HEATR5A: variants seen among roughly 807,000 people sequenced by gnomAD.
The protein encoded by HEATR5A is HEAT repeat-containing protein 5A.
HEATR5A carries 178 observed loss-of-function variants against 218.8 expected under a neutral mutation model. The ratio of observed to expected loss-of-function variants is 0.81; its 90% CI spans 0.72 to 0.92. The LOEUF is 0.92. Among genes scored for constraint, HEATR5A ranks in the 40% least tolerant of loss-of-function variants. The pLI is 0.00. For synonymous variants in HEATR5A, 864 were observed against 871.6 expected (o/e 0.99, Z 0.15); for missense variants, 2,420 against 2,418.9 (o/e 1.00, Z -0.01).
In HEATR5A at chr14:31,370,437, G is replaced by C. The variant is rs549676721; in HGVS notation, c.1961+1373C>G. Among the ~76,000 whole-genome samples the C allele has an allele frequency of 3.9e-5, 6 of 152,296 alleles. No homozygotes were observed. In the East Asian group the frequency reaches 9.6e-4, roughly 24 times the overall value. ...ATACCATTTTTTACCTATTGGATGG[G>C]GTAGAATTGATAACTGAGTAAGTGT... On this transcript the variant is annotated intron_variant, in intron 13 of 35. Coordinates refer to ENST00000543095, the MANE Select transcript of HEATR5A (RefSeq NM_015473.4).
chr14:31,394,657 T>C lies in HEATR5A; in HGVS notation c.598-431A>G, dbSNP rs534282868. ...GGTGGAACCCCGTCTCTACTAAAAA[T>C]ACAAAAAAAAATTAGCTGGGCATGG... On this transcript the variant is annotated intron_variant, in intron 5 of 35. Coordinates refer to ENST00000543095, the MANE Select transcript of HEATR5A (RefSeq NM_015473.4). Among the ~76,000 whole-genome samples the C allele has an allele frequency of 9.2e-5, 14 of 151,540 alleles. No homozygotes were observed. The East Asian group carries it at 2.7e-3, about 29-fold the overall frequency.
intron 34 of HEATR5A, among the ~76,000 whole-genome samples, chr14:31,295,685 C>T (rs1160763934): frequency 6.7e-6 from 1 of 148,790 alleles, no homozygotes; most frequent in Non-Finnish European, 1.5e-5. Context: ...AATTCAGTTT[C>T]TTAACATTTC....
At chr14:31,300,744 T>G (rs1388403941) in intron 33 of HEATR5A, among the ~76,000 whole-genome samples, 1 of 152,200 alleles carries the variant, frequency 6.6e-6, no homozygotes, top group Non-Finnish European at 1.5e-5. Flanking sequence ...CAGTTTGACT[T>G]CTTTTGCCCA....
intron 6 of HEATR5A, among the ~76,000 whole-genome samples, chr14:31,392,757 G>A (rs1227114415): frequency 1.3e-5 from 2 of 152,128 alleles, no homozygotes; most frequent in Non-Finnish European, 2.9e-5. Context: ...TTGCACACTT[G>A]CTCAAATCAG....
In HEATR5A at chr14:31,400,295, AC is replaced by A; in HGVS notation, c.338+5del. Reference sequence around the variant, plus strand: ...GTTTTCTGTTCTGTTTTAATGTTTCACTTACAGCTTAGTGGGAAGATAACTT... The same window carrying A: ...GTTTTCTGTTCTGTTTTAATGTTTCATTACAGCTTAGTGGGAAGATAACTT... On this transcript the variant is annotated splice_donor_5th_base_variant and intron_variant, in intron 3 of 35. Coordinates refer to ENST00000543095, the MANE Select transcript of HEATR5A (RefSeq NM_015473.4). 2 of 1,517,018 alleles carry A rather than the reference AC, an allele frequency of 1.3e-6. No homozygotes were observed. Among genetic ancestry groups the A allele is most frequent in the Non-Finnish European group, 1.8e-6 (2 of 1,130,520 alleles). 94.0% of individuals were successfully genotyped at this position (1,517,018 alleles called of 1,614,324 possible). A position where few individuals can be genotyped will look rare whatever the true frequency, so the allele number is the denominator to read the frequency against.
chr14:31,335,742 C>A lies in HEATR5A; in HGVS notation c.3367+1734G>T, dbSNP rs544738492. Among the ~76,000 whole-genome samples, 150 of 152,286 alleles carry A rather than the reference C, an allele frequency of 9.8e-4. No individual in the cohort carries two copies. The Middle Eastern group carries it at 0.014, about 14-fold the overall frequency. The stretch of plus-strand genomic sequence containing the variant: ...AATTTCGGCCCACTACAACCTCCCC[C>A]TCCTGGGTTCAACTGATTCTTGTGC... On this transcript the variant is annotated intron_variant, in intron 22 of 35. Transcript: ENST00000543095.
intron 27 of HEATR5A, 111 bp from the exon 28 acceptor site, chr14:31,313,301 G>T: frequency 2.6e-6 from 2 of 755,264 alleles, no homozygotes; most frequent in Non-Finnish European, 4.4e-6. Flanking sequence ...TACTGGACTT[G>T]AAATGCACTG....
rs772089632 is a variant in HEATR5A, at chr14:31,323,776, T to C, written c.3576A>G (p.Thr1192=). Residue 1192 remains threonine, a synonymous_variant, in exon 24 of 36, where the codon ACA becomes ACG. Coordinates refer to ENST00000543095, the MANE Select transcript of HEATR5A (RefSeq NM_015473.4). ...ADFTAVTCVD[T]MQEEEGDKGD... is the part of the protein sequence containing the mutation. The stretch of plus-strand genomic sequence containing the variant: ...CTTTATCTCCTTCTTCTTCTTGCAT[T>C]GTATCCACACAAGTTACAGCTGTAA... The C allele has an allele frequency of 6.3e-6, 10 of 1,598,718 alleles. No homozygotes were observed. The highest frequency in any genetic ancestry group is 1.3e-5 in the African/African-American group (1 of 74,552).
chr14:31,344,438 C>T (rs1900956193), intron 20 of HEATR5A, among the ~76,000 whole-genome samples: 1 of 151,790 alleles, frequency 6.6e-6, no homozygotes, highest in South Asian at 2.1e-4. Context: ...ACCACCATGC[C>T]TGGCTAATTT....
chr14:31,396,722 G>A (rs1181352493), intron 4 of HEATR5A, among the ~76,000 whole-genome samples: 1 of 152,114 alleles, frequency 6.6e-6, no homozygotes, highest in African/African-American at 2.4e-5. Context: ...TGTATCACTG[G>A]TGAGTGTGGA....
At chr14:31,358,532 C>A in intron 16 of HEATR5A, 105 bp downstream of exon 16, 1 of 999,494 alleles carries the variant, frequency 1.0e-6, no homozygotes, top group Non-Finnish European at 1.5e-6. Context: ...TTCACCTTCA[C>A]CTGTTATTTA....
chr14:31,295,178 G>A (rs914978970), intron 34 of HEATR5A, among the ~76,000 whole-genome samples: 1 of 152,076 alleles, frequency 6.6e-6, no homozygotes, highest in African/African-American at 2.4e-5. Flanking sequence ...TAAAAGAATG[G>A]GATAAATTTG....
At chr14:31,323,472 TA>T in intron 24 of HEATR5A, 92 bp downstream of exon 24, 2 of 1,058,766 alleles carry the variant, frequency 1.9e-6, no homozygotes, top group Non-Finnish European at 1.3e-6. Flanking sequence ...AGTTTCATTT[TA>T]AAAAAATATT....
At chr14:31,413,271 G>A (rs975041607) in intron 1 of HEATR5A, among the ~76,000 whole-genome samples, 13 of 152,066 alleles carry the variant, frequency 8.5e-5, no homozygotes, top group African/African-American at 3.1e-4. Flanking sequence ...AGTCAGGGTG[G>A]AGTAGGAGAG....
chr14:31,342,037 C>A (rs1374167420), intron 21 of HEATR5A, among the ~76,000 whole-genome samples: 1 of 152,034 alleles, frequency 6.6e-6, no homozygotes, highest in Admixed American at 6.6e-5. Flanking sequence ...TGACCCAGAT[C>A]TAAAAAAATA....
In HEATR5A at chr14:31,321,741, T is replaced by G. The variant is rs1029622795; in HGVS notation, c.3788-61A>C. The G allele has an allele frequency of 3.1e-6, 4 of 1,271,852 alleles. No individual in the cohort carries two copies. In the African/African-American group the frequency reaches 4.5e-5, roughly 14 times the overall value. The allele number at this position is 1,271,852 out of a possible 1,614,324, so 78.8% of individuals were successfully genotyped here. ...ATTAGAAAATATCAAAAAAATGTGC[T>G]GGAACTAAGACTTACATTAAGTGAT... On this transcript the variant is annotated intron_variant, in intron 24 of 35. Transcript: ENST00000543095.
chr14:31,387,536 T>A (rs960574825), intron 7 of HEATR5A, among the ~76,000 whole-genome samples, 161 bp from the exon 8 acceptor site: 2 of 151,824 alleles, frequency 1.3e-5, no homozygotes, highest in Admixed American at 6.6e-5. Context: ...CACCATTTTG[T>A]TTTTGTTTAA....
chr14:31,395,291 C>T lies in HEATR5A; in HGVS notation c.505G>A (p.Ala169Thr), dbSNP rs941793455. ...SLQNILNGLG[A>T]AAAPCHRDVY... The stretch of plus-strand genomic sequence containing the variant: ...TCCCTGTGACAAGGTGCAGCGGCAG[C>T]TCCTAGTCCATTCAATATATTTTGC... The change falls in exon 5 of 36, where the codon GCT becomes ACT. Residue 169 changes from alanine (A) to threonine (T), a missense_variant. By Grantham distance (58) the Ala-to-Thr change is moderately conservative (BLOSUM62 0). Coordinates refer to ENST00000543095, the MANE Select transcript of HEATR5A (RefSeq NM_015473.4). 7 of 1,530,404 alleles carry T rather than the reference C, an allele frequency of 4.6e-6. No individual in the cohort carries two copies. The highest frequency in any genetic ancestry group is 6.1e-6 in the Non-Finnish European group (7 of 1,142,054). 94.8% of individuals were successfully genotyped at this position (1,530,404 alleles called of 1,614,324 possible).
At chr14:31,298,337 G>A (rs1379166993) in intron 33 of HEATR5A, among the ~76,000 whole-genome samples, 1 of 152,148 alleles carries the variant, frequency 6.6e-6, no homozygotes, top group Non-Finnish European at 1.5e-5. Context: ...TCTCTTAGTA[G>A]CTAGTCTAAA....
Sources: gnomAD v4.1 joint callset for allele counts (sites outside exome capture counted in the v4.1 genomes callset) on GRCh38, gnomAD v4.1.1 for gene constraint, MANE v1.5 for transcripts, NCBI Gene and HGNC (gene_info 2026-07-23, HGNC 2026-07-21) for gene names.